The following CNTLN variants were observed in gnomAD, a reference collection of about 807,000 sequenced individuals.
The protein encoded by CNTLN is centlein, centrosomal protein.
CNTLN carries 212 observed loss-of-function variants against 180.0 expected under a neutral mutation model. That is an observed-to-expected ratio of 1.18 (90% CI 1.05 to 1.32). The LOEUF is 1.32. CNTLN is among the 40% of genes most tolerant of loss of function. The pLI, the probability that CNTLN is intolerant of heterozygous loss-of-function variation, is 0.00. For synonymous variants in CNTLN, 722 were observed against 563.1 expected, an observed-to-expected ratio of 1.28 and a Z score of -3.99; for missense variants, 2,095 against 1,610.9, an observed-to-expected ratio of 1.30 and a Z score of -5.14.
At chr9:17,209,803 G>A (rs1226924871) in intron 2 of CNTLN, among the ~76,000 whole-genome samples, 2 of 152,120 alleles carry the variant, frequency 1.3e-5, no homozygotes, top group African/African-American at 2.4e-5. Context: ...GTTCACCAAG[G>A]TTTAGGAAGA....
chr9:17,467,289 A>C (rs1409840386), intron 23 of CNTLN, among the ~76,000 whole-genome samples: 2 of 151,528 alleles, frequency 1.3e-5, no homozygotes, highest in Non-Finnish European at 3.0e-5. Context: ...GCCACAAACT[A>C]TCAAGACATG....
rs547035147 is a variant in CNTLN at position 17,394,666 on chromosome 9, A to G, written c.2212A>G (p.Thr738Ala). ...AAAACAGCAACAAGAAGATACAGAG[A>G]CCAGAGAAAAAGAGCTAGAACAGAT... ...LLKQQQEDTE[T>A]REKELEQIIK... Residue 738 changes from threonine to alanine, a missense_variant, in exon 15 of 26, where the codon ACC becomes GCC. By Grantham distance (58) the Thr-to-Ala change is moderately conservative. Coordinates refer to ENST00000380647, the MANE Select transcript of CNTLN (RefSeq NM_017738.4). The G allele has an allele frequency of 1.2e-5, 19 of 1,613,030 alleles. No individual in the cohort carries two copies. The highest frequency in any genetic ancestry group is 1.6e-5 in the Non-Finnish European group (19 of 1,179,508).
At chr9:17,253,271 T>C (rs1826266055) in intron 5 of CNTLN, among the ~76,000 whole-genome samples, 1 of 151,832 alleles carries the variant, frequency 6.6e-6, no homozygotes, top group Admixed American at 6.6e-5. Context: ...TGGTTCCATA[T>C]CAATTTTAGA....
intron 7 of CNTLN, among the ~76,000 whole-genome samples, chr9:17,306,812 T>C (rs1818747859): frequency 2.0e-5 from 3 of 152,218 alleles, no homozygotes; most frequent in South Asian, 2.1e-4. Context: ...TGGGTAAATA[T>C]TGGTTAGTGT....
At chr9:17,171,048 C>T (rs979365094) in intron 2 of CNTLN, among the ~76,000 whole-genome samples, 1 of 152,154 alleles carries the variant, frequency 6.6e-6, no homozygotes, top group African/African-American at 2.4e-5. Flanking sequence ...GTGACGTTTG[C>T]ACAAGGACAG....
At position 17,278,995 on chromosome 9, in the gene CNTLN, T is replaced by G. The variant is rs1258963915; in HGVS notation, c.983+5129T>G. On this transcript the variant is annotated intron_variant, in intron 6 of 25. Coordinates refer to ENST00000380647, the MANE Select transcript of CNTLN (RefSeq NM_017738.4). ...CTCTCTGATGTGAAATTGAGGAGAT[T>G]ATTACATCTTAGATAATTATTTTTT... Among the ~76,000 whole-genome samples the G allele has an allele frequency of 2.0e-5, 3 of 152,242 alleles. No individual in the cohort carries two copies. In the East Asian group the frequency reaches 5.8e-4, roughly 29 times the overall value.
intron 18 of CNTLN, among the ~76,000 whole-genome samples, chr9:17,455,378 T>A (rs111247958): frequency 0.011 from 1,635 of 152,352 alleles, 26 homozygotes; most frequent in African/African-American, 0.037. Context: ...GCCTCCATAA[T>A]TTCAGTATTT....
chr9:17,250,843 A>T (rs1261493086), intron 5 of CNTLN, among the ~76,000 whole-genome samples: 1 of 152,078 alleles, frequency 6.6e-6, no homozygotes, highest in East Asian at 1.9e-4. Context: ...TACCTTTACT[A>T]GAAGTCTTTA....
chr9:17,475,132 A>G (rs1832261125), intron 23 of CNTLN, among the ~76,000 whole-genome samples: 1 of 152,072 alleles, frequency 6.6e-6, no homozygotes, highest in Admixed American at 6.6e-5. Context: ...TCTTCCTTAT[A>G]TTCAGGTAGT....
intron 1 of CNTLN, among the ~76,000 whole-genome samples, chr9:17,141,746 T>A (rs1268812236): frequency 6.6e-6 from 1 of 151,954 alleles, no homozygotes; most frequent in Admixed American, 6.6e-5. Context: ...ATAAGGACAG[T>A]AGGGTTTATT....
chr9:17,469,639 G>A (rs1272895604), intron 23 of CNTLN, among the ~76,000 whole-genome samples: 1 of 151,864 alleles, frequency 6.6e-6, no homozygotes, highest in Non-Finnish European at 1.5e-5. Flanking sequence ...ATAGCTGGGT[G>A]TTATTCTGCT....
chr9:17,459,157 A>G (rs938243334), intron 19 of CNTLN, among the ~76,000 whole-genome samples: 3 of 151,914 alleles, frequency 2.0e-5, no homozygotes, highest in South Asian at 2.1e-4. Context: ...TGATTTATAC[A>G]TAAATCATAA....
At chr9:17,257,629 C>T (rs1200085649) in intron 5 of CNTLN, among the ~76,000 whole-genome samples, 2 of 151,396 alleles carry the variant, frequency 1.3e-5, no homozygotes, top group African/African-American at 4.9e-5. Flanking sequence ...CGCATCCTCT[C>T]CAGCACCTGT....
rs1833857085 is a variant in CNTLN, at chr9:17,503,558, G to C, written c.*906G>C. On this transcript the variant is annotated 3_prime_UTR_variant, in exon 26 of 26. Coordinates refer to ENST00000380647, the MANE Select transcript of CNTLN (RefSeq NM_017738.4). ...CTGCACTCAACTTTCCTCATGGCTGGCTCCTTGTCATCATTCAGCTCCACC... is the reference window on the plus strand; with the variant it reads ...CTGCACTCAACTTTCCTCATGGCTGCCTCCTTGTCATCATTCAGCTCCACC... 6.6e-6 allele frequency: 1 copy of C among 152,124 alleles called. No homozygotes were observed. The highest frequency in any genetic ancestry group is 1.5e-5 in the Non-Finnish European group (1 of 68,036). 9.4% of individuals were successfully genotyped at this position (152,124 alleles called of 1,614,324 possible). A position where few individuals can be genotyped will look rare whatever the true frequency, so the allele number is the denominator to read the frequency against.
At chr9:17,225,120 C>G (rs1824383244) in intron 2 of CNTLN, among the ~76,000 whole-genome samples, 1 of 151,954 alleles carries the variant, frequency 6.6e-6, no homozygotes, top group South Asian at 2.1e-4. Context: ...TGGCTCAACT[C>G]TTGATTGGGG....
intron 6 of CNTLN, among the ~76,000 whole-genome samples, chr9:17,276,947 A>C (rs573447720): frequency 1.3e-5 from 2 of 152,182 alleles, no homozygotes; most frequent in South Asian, 4.2e-4. Context: ...AACTCTATGC[A>C]TATATAATGA....
chr9:17,471,184 A>G (rs947011514), intron 23 of CNTLN, among the ~76,000 whole-genome samples: 3 of 151,998 alleles, frequency 2.0e-5, no homozygotes, highest in African/African-American at 7.2e-5. Flanking sequence ...TATCCCAAAA[A>G]CCATGATGGG....
intron 2 of CNTLN, among the ~76,000 whole-genome samples, chr9:17,204,921 C>T (rs1359857526): frequency 6.6e-6 from 1 of 152,212 alleles, no homozygotes; most frequent in Non-Finnish European, 1.5e-5. Context: ...AGTCTGGCCA[C>T]AACCGCTTTG....
chr9:17,154,027 C>T (rs138978442), intron 2 of CNTLN, among the ~76,000 whole-genome samples: 2 of 152,254 alleles, frequency 1.3e-5, no homozygotes, highest in Non-Finnish European at 1.5e-5. Context: ...TTCTTCTCTA[C>T]ATTGGTTATT....
Sources: allele counts gnomAD v4.1 joint callset (sites outside exome capture counted in the v4.1 genomes callset), GRCh38; gene constraint gnomAD v4.1.1; transcripts MANE v1.5; gene names NCBI Gene and HGNC (gene_info 2026-07-23, HGNC 2026-07-21).